KAZN: variants seen among roughly 807,000 people sequenced by gnomAD.
KAZN encodes kazrin.
A neutral mutation model predicts 87.4 loss-of-function variants in KAZN; 40 were observed. That is an observed-to-expected ratio of 0.46 (90% CI 0.36 to 0.60). The LOEUF (loss-of-function observed/expected upper bound fraction) is 0.60. Ranked by LOEUF, KAZN falls within the 20% of genes least tolerant of loss-of-function variation. The pLI, the probability that KAZN is intolerant of heterozygous loss-of-function variation, is 0.00. For missense variants in KAZN, 898 were observed against 1,073.9 expected (o/e 0.84, Z 2.29); for synonymous variants, 466 against 458.3 (o/e 1.02, Z -0.22).
Position 15,032,114 on chromosome 1 carries a change from AC to A in KAZN, c.419-2634del, listed in dbSNP as rs915565251. Among the ~76,000 whole-genome samples, 64 of 131,812 alleles carry A rather than the reference AC, an allele frequency of 4.9e-4. 1 individual carries two copies. The highest frequency in any genetic ancestry group is 1.6e-3 in the African/African-American group (56 of 35,198). The allele number at this position is 131,812 out of a possible 152,430, so 86.5% of individuals were successfully genotyped here. A position where few individuals can be genotyped will look rare whatever the true frequency, so the allele number is the denominator to read the frequency against. ...ACCCCTCCCTCCCCGATCCACCCCC[AC>A]ACCCAGCCCGAGGCAGACGCTTATC... On this transcript the variant is annotated intron_variant, in intron 2 of 14. Coordinates refer to ENST00000376030, the MANE Select transcript of KAZN (RefSeq NM_201628.3).
At chr1:14,855,260 AT>A (rs143606665) in intron 1 of KAZN, among the ~76,000 whole-genome samples, 7,249 of 152,166 alleles carry the variant, frequency 0.048, 218 homozygotes, top group African/African-American at 0.07. Context: ...CACTGAAGTT[AT>A]TTTTATCTAT....
At chr1:14,488,646 T>G (rs1237415229) in intron 2 of KAZN, among the ~76,000 whole-genome samples, 1 of 152,224 alleles carries the variant, frequency 6.6e-6, no homozygotes, top group East Asian at 1.9e-4. Context: ...AGGCTGCTTT[T>G]TTCATTCACC....
intron 2 of KAZN, among the ~76,000 whole-genome samples, chr1:14,418,299 G>A (rs1379794814): frequency 6.6e-6 from 1 of 152,136 alleles, no homozygotes; most frequent in African/African-American, 2.4e-5. Flanking sequence ...ACCTCTCTGA[G>A]TGTCCATTTC....
intron 1 of KAZN, among the ~76,000 whole-genome samples, chr1:14,623,850 TTCTG>T (rs1678904036): frequency 1.3e-5 from 2 of 152,206 alleles, no homozygotes; most frequent in African/African-American, 2.4e-5. Context: ...TCACAGATAA[TTCTG>T]TCTGTTATTG....
chr1:14,801,860 A>G lies in KAZN; in HGVS notation c.227-158824A>G, dbSNP rs927653293. On this transcript the variant is annotated intron_variant, in intron 1 of 14. Coordinates refer to ENST00000376030, the MANE Select transcript of KAZN (RefSeq NM_201628.3). Reference sequence around the variant, plus strand: ...CATCACGCCCAGCTAATTTTTTTGTATTTTTAGTACAGACGGGGTTTCACC... The same window carrying G: ...CATCACGCCCAGCTAATTTTTTTGTGTTTTTAGTACAGACGGGGTTTCACC... Among the ~76,000 whole-genome samples, 11 of 150,494 alleles carry G rather than the reference A, an allele frequency of 7.3e-5. No individual in the cohort carries two copies. In the East Asian group the frequency reaches 8.1e-4, roughly 11 times the overall value.
chr1:14,661,120 A>T (rs1639143485), intron 1 of KAZN, among the ~76,000 whole-genome samples: 1 of 152,206 alleles, frequency 6.6e-6, no homozygotes, highest in African/African-American at 2.4e-5. Context: ...AAATTCTGTG[A>T]GGGAGATGGT....
rs556549065 is a variant in KAZN at position 14,814,231 on chromosome 1, ATT to A, written c.227-146452_227-146451del. ...CAAAGACTGGATCTTTTTTATTATT[ATT>A]ATTACTTTTTTGAGATGGACTCTCA... On this transcript the variant is annotated intron_variant, in intron 1 of 14. Transcript: ENST00000376030. Among the ~76,000 whole-genome samples the A allele has an allele frequency of 2.2e-4, 33 of 152,120 alleles. No individual in the cohort carries two copies. The East Asian group carries it at 2.3e-3, about 11-fold the overall frequency.
chr1:14,707,073 G>T (rs1642249485), intron 1 of KAZN, among the ~76,000 whole-genome samples: 2 of 152,190 alleles, frequency 1.3e-5, no homozygotes, highest in South Asian at 4.1e-4. Context: ...CTTCCCTAAT[G>T]GTTTCAACCT....
chr1:14,410,526 A>G (rs1664221619), intron 2 of KAZN, among the ~76,000 whole-genome samples: 1 of 152,208 alleles, frequency 6.6e-6, no homozygotes, highest in African/African-American at 2.4e-5. Context: ...TGGCCACCCA[A>G]AGACAGCAAG....
At chr1:14,313,147 C>T (rs77436323) in intron 2 of KAZN, among the ~76,000 whole-genome samples, 3 of 152,094 alleles carry the variant, frequency 2.0e-5, no homozygotes, top group Admixed American at 1.3e-4. Flanking sequence ...ACTGATTGAT[C>T]AAAGTAATTA....
chr1:15,108,388 T>C (rs888025362), intron 13 of KAZN, among the ~76,000 whole-genome samples: 1 of 152,232 alleles, frequency 6.6e-6, no homozygotes, highest in Non-Finnish European at 1.5e-5. Context: ...GCGGGGCCTT[T>C]GAGGCCACAT....
chr1:14,364,461 T>C (rs1395995171), intron 2 of KAZN, among the ~76,000 whole-genome samples: 1 of 152,200 alleles, frequency 6.6e-6, no homozygotes, highest in African/African-American at 2.4e-5. Flanking sequence ...TGTTCACTAC[T>C]GTTATTATTC....
intron 2 of KAZN, among the ~76,000 whole-genome samples, chr1:14,983,365 C>T (rs4080918): frequency 0.42 from 63,326 of 151,996 alleles, 15,467 homozygotes; most frequent in African/African-American, 0.68. Flanking sequence ...AGGCAGTCAT[C>T]GAAAACGCAA....
chr1:14,657,757 C>T lies in KAZN; in HGVS notation c.226+58534C>T, dbSNP rs6701837. Among the ~76,000 whole-genome samples the T allele has an allele frequency of 4.9e-3, 748 of 152,322 alleles. 4 individuals are homozygous for T. The highest frequency in any genetic ancestry group is 0.017 in the African/African-American group (697 of 41,560). On this transcript the variant is annotated intron_variant, in intron 1 of 14. Coordinates refer to ENST00000376030, the MANE Select transcript of KAZN (RefSeq NM_201628.3). ...GATTCCAGGTGAACCTTCCCCATCC[C>T]CCCAGAGCACAGCCTGGAACCCAGT...
chr1:14,459,258 C>T (rs1035060419), intron 2 of KAZN, among the ~76,000 whole-genome samples: 6 of 124,068 alleles, frequency 4.8e-5, no homozygotes, highest in African/African-American at 1.3e-4. Flanking sequence ...GGTGTGTGTG[C>T]GCGTGTGTGT....
chr1:15,025,514 G>A (rs538491520), intron 2 of KAZN, among the ~76,000 whole-genome samples: 92 of 152,270 alleles, frequency 6.0e-4, no homozygotes, highest in African/African-American at 1.2e-3. Context: ...TTTCCCTCCC[G>A]TGCCATGGCA....
At chr1:14,553,316 G>A (rs922034708) in intron 2 of KAZN, among the ~76,000 whole-genome samples, 8 of 152,118 alleles carry the variant, frequency 5.3e-5, no homozygotes, top group Admixed American at 2.0e-4. Context: ...AGCCAAGATC[G>A]CGCCACTGCA....
intron 2 of KAZN, among the ~76,000 whole-genome samples, chr1:14,305,822 T>G (rs554096669): frequency 6.6e-6 from 1 of 152,310 alleles, no homozygotes; most frequent in East Asian, 1.9e-4. Flanking sequence ...CTCCTTTGCT[T>G]CTACGATTAT....
chr1:14,302,134 T>C (rs1340049664), intron 2 of KAZN, among the ~76,000 whole-genome samples: 2 of 152,184 alleles, frequency 1.3e-5, no homozygotes, highest in Non-Finnish European at 2.9e-5. Flanking sequence ...CAATTTTTAT[T>C]GATAATATCT....
Sources: allele counts gnomAD v4.1 joint callset (sites outside exome capture counted in the v4.1 genomes callset), GRCh38; gene constraint gnomAD v4.1.1; transcripts MANE v1.5; gene names NCBI Gene and HGNC (gene_info 2026-07-23, HGNC 2026-07-21).